The following NBAS variants were observed in gnomAD, a reference collection of about 807,000 sequenced individuals.
NBAS encodes the protein NBAS subunit of NRZ tethering complex.
Under a neutral mutation model 302.5 loss-of-function variants are expected in NBAS, and 219 were observed. The observed-to-expected ratio is 0.72, with a 90% CI of 0.65 to 0.81. The LOEUF is 0.81. NBAS is among the 30% of genes least tolerant of loss of function. The pLI is 0.00. For synonymous variants in NBAS, 1,118 were observed against 1,021.6 expected, an observed-to-expected ratio of 1.09 and a Z score of -1.80; for missense variants, 2,932 against 2,841.6, an observed-to-expected ratio of 1.03 and a Z score of -0.72.
chr2:15,556,422 G>A (rs1026261078), intron 3 of NBAS, among the ~76,000 whole-genome samples: 35 of 152,218 alleles, frequency 2.3e-4, no homozygotes, highest in African/African-American at 7.9e-4. Flanking sequence ...CTGATATACA[G>A]CAGTTGAATA....
At chr2:15,240,681 A>G (rs1233934246) in intron 44 of NBAS, among the ~76,000 whole-genome samples, 1 of 152,128 alleles carries the variant, frequency 6.6e-6, no homozygotes, top group Non-Finnish European at 1.5e-5. Flanking sequence ...TATTGATAAA[A>G]GAGATCTTTA....
At chr2:14,983,942 G>A in the NBAS span, among the ~76,000 whole-genome samples, 1 of 152,136 alleles carries the variant, frequency 6.6e-6, no homozygotes. Flanking sequence ...CAGAATCCGC[G>A]ATTCATTGAA....
intron 40 of NBAS, among the ~76,000 whole-genome samples, chr2:15,300,074 T>C (rs1192332470): frequency 6.6e-6 from 1 of 152,194 alleles, no homozygotes; most frequent in African/African-American, 2.4e-5. Context: ...CTGAGAGAGC[T>C]GCTGGGCTCC....
At chr2:15,251,075 T>C (rs1157525130) in intron 44 of NBAS, among the ~76,000 whole-genome samples, 1 of 151,996 alleles carries the variant, frequency 6.6e-6, no homozygotes, top group East Asian at 1.9e-4. Context: ...CCATCAATGA[T>C]AAACCAGATA....
chr2:14,985,212 C>G, the NBAS span, among the ~76,000 whole-genome samples: 1 of 151,852 alleles, frequency 6.6e-6, no homozygotes, highest in Non-Finnish European at 1.5e-5. Flanking sequence ...GAAATAGATC[C>G]GATTTTAAAA....
intron 21 of NBAS, among the ~76,000 whole-genome samples, chr2:15,439,356 G>C (rs1321782944): frequency 2.0e-5 from 3 of 148,214 alleles, no homozygotes; most frequent in African/African-American, 7.5e-5. Context: ...AGCAAAATTA[G>C]CCTTAGACAA....
At chr2:14,893,544 G>C in the NBAS span, among the ~76,000 whole-genome samples, 1 of 152,068 alleles carries the variant, frequency 6.6e-6, no homozygotes, top group Non-Finnish European at 1.5e-5. Flanking sequence ...AGTACATGCT[G>C]TTTTTCTCCA....
intron 1 of NBAS, 25 bp from the exon 2 acceptor site, chr2:15,558,659 T>TAA (rs1170948218): frequency 5.7e-6 from 9 of 1,573,668 alleles, no homozygotes; most frequent in Non-Finnish European, 7.0e-6. Context: ...AAAAAACACT[T>TAA]ACATTTGAAT....
rs1679819467 is a variant in NBAS, at chr2:15,468,462, T to C, written c.1797A>G (p.Ala599=). 6.2e-7 allele frequency: 1 copy of C among 1,613,980 alleles called. No homozygotes were observed. The highest frequency in any genetic ancestry group is 1.3e-5 in the African/African-American group (1 of 74,930). Residue 599 remains alanine, a synonymous_variant, in exon 17 of 52, where the codon GCA becomes GCG. Coordinates refer to ENST00000281513, the MANE Select transcript of NBAS (RefSeq NM_015909.4). The part of the protein sequence containing the change: ...LERVPENVDA[A]KELLQYGLKG... The stretch of plus-strand genomic sequence containing the variant: ...TTAATCCATACTGAAGCAGTTCTTT[T>C]GCAGCATCCACATTTTCAGGAACTC...
the NBAS span, among the ~76,000 whole-genome samples, chr2:14,825,117 G>T: frequency 8.4e-4 from 128 of 152,152 alleles, no homozygotes; most frequent in Non-Finnish European, 1.7e-3. Context: ...GGGTGTGGCA[G>T]GCAGCTGGAA....
chr2:15,425,161 A>AC (rs1385176699), intron 22 of NBAS, among the ~76,000 whole-genome samples: 1 of 88,280 alleles, frequency 1.1e-5, no homozygotes, highest in Non-Finnish European at 2.8e-5. Flanking sequence ...ATGTTTAAGG[A>AC]CAAAAAAAAA....
At chr2:14,977,493 A>G in the NBAS span, among the ~76,000 whole-genome samples, 2 of 152,228 alleles carry the variant, frequency 1.3e-5, no homozygotes, top group Admixed American at 6.5e-5. Flanking sequence ...TAGCTTCACA[A>G]TTCACTAGTC....
At chr2:15,090,703 C>A in the NBAS span, among the ~76,000 whole-genome samples, 1 of 152,168 alleles carries the variant, frequency 6.6e-6, no homozygotes, top group Non-Finnish European at 1.5e-5. Context: ...CACTCAGATG[C>A]ATATTTATAC....
At chr2:14,886,269 T>C in the NBAS span, among the ~76,000 whole-genome samples, 1 of 152,176 alleles carries the variant, frequency 6.6e-6, no homozygotes, top group Non-Finnish European at 1.5e-5. Flanking sequence ...CATACCATAA[T>C]AGTCCTCATT....
At chr2:15,467,510 A>C (rs1012562263) in intron 18 of NBAS, 103 bp from the exon 19 acceptor site, 18 of 1,307,246 alleles carry the variant, frequency 1.4e-5, no homozygotes, top group Admixed American at 1.8e-5. Context: ...AAAACTCATG[A>C]AACAGTTCAG....
the NBAS span, among the ~76,000 whole-genome samples, chr2:14,856,937 C>A: frequency 6.6e-6 from 1 of 152,028 alleles, no homozygotes; most frequent in African/African-American, 2.4e-5. Flanking sequence ...AAAGACTTCA[C>A]AAGAAAACTA....
the NBAS span, among the ~76,000 whole-genome samples, chr2:15,076,858 G>A: frequency 6.6e-6 from 1 of 152,196 alleles, no homozygotes; most frequent in African/African-American, 2.4e-5. Flanking sequence ...ACAGCTCAGA[G>A]TTTTCAACTG....
intron 9 of NBAS, among the ~76,000 whole-genome samples, chr2:15,516,637 C>T (rs933397900): frequency 2.0e-5 from 3 of 151,416 alleles, no homozygotes; most frequent in South Asian, 2.1e-4. Flanking sequence ...GCACCAGAAT[C>T]GCTTGAGCCT....
chr2:15,276,564 G>T (rs1362567739), intron 43 of NBAS, among the ~76,000 whole-genome samples: 2 of 152,130 alleles, frequency 1.3e-5, no homozygotes, highest in East Asian at 3.9e-4. Context: ...TAATCAATGG[G>T]AGTAGTGAAA....
Sources: allele counts gnomAD v4.1 joint callset (sites outside exome capture counted in the v4.1 genomes callset), GRCh38; gene constraint gnomAD v4.1.1; transcripts MANE v1.5; gene names NCBI Gene and HGNC (gene_info 2026-07-23, HGNC 2026-07-21).